IQCK: variants seen among roughly 807,000 people sequenced by gnomAD.
The protein encoded by IQCK is IQ motif containing K, also known as IQ domain-containing protein K.
IQCK carries 29 observed loss-of-function variants against 28.1 expected under a neutral mutation model. That is an observed-to-expected ratio of 1.03 (90% CI 0.77 to 1.41). IQCK has a LOEUF of 1.41. Ranked by LOEUF, IQCK falls within the 40% of genes most tolerant of loss-of-function variation. The pLI, the probability that IQCK is intolerant of heterozygous loss-of-function variation, is 0.00. For missense variants in IQCK, 359 were observed against 314.7 expected (o/e 1.14, Z -1.07); for synonymous variants, 113 against 115.1 (o/e 0.98, Z 0.12).
At chr16:19,761,297 C>T in intron 4 of IQCK, 1 of 438,686 alleles carries the variant, frequency 2.3e-6, no homozygotes, top group Non-Finnish European at 4.5e-6. Flanking sequence ...ACAATTCAAC[C>T]CCTAATGTTC....
intron 6 of IQCK, among the ~76,000 whole-genome samples, chr16:19,768,505 G>C (rs564490764): frequency 2.6e-5 from 4 of 152,168 alleles, no homozygotes; most frequent in Non-Finnish European, 5.9e-5. Context: ...TCAGCACTTT[G>C]GGAGGCTGAG....
chr16:19,735,397 C>A (rs777141980), exon 4 of IQCK: 6 of 1,614,108 alleles, frequency 3.7e-6, no homozygotes, highest in Non-Finnish European at 5.1e-6. Flanking sequence ...TCCTGTTCTG[C>A]TTCCCGGAAT....
chr16:19,755,812 G>T (rs2055044134), intron 4 of IQCK, among the ~76,000 whole-genome samples: 1 of 152,156 alleles, frequency 6.6e-6, no homozygotes, highest in African/African-American at 2.4e-5. Context: ...CCTAATGGAG[G>T]TTTGACCATG....
At chr16:19,727,142 AAG>A (rs1263206944) in intron 1 of IQCK, among the ~76,000 whole-genome samples, 4 of 147,568 alleles carry the variant, frequency 2.7e-5, no homozygotes, top group African/African-American at 1.1e-4. Flanking sequence ...AAAAAAAAAA[AAG>A]AAAGAAAGAA....
At chr16:19,755,392 T>G (rs1212041500) in intron 4 of IQCK, among the ~76,000 whole-genome samples, 1 of 152,198 alleles carries the variant, frequency 6.6e-6, no homozygotes, top group Non-Finnish European at 1.5e-5. Flanking sequence ...AGTATCCAAC[T>G]AGTCCTATCA....
At position 19,844,010 on chromosome 16, in the gene IQCK, C is replaced by T. The variant is rs117225104; in HGVS notation, c.803-12477C>T. Among the ~76,000 whole-genome samples, 1,021 of 151,964 alleles carry T rather than the reference C, an allele frequency of 6.7e-3. 2 individuals are homozygous for T. The highest frequency in any genetic ancestry group is 0.011 in the Non-Finnish European group (730 of 67,978). On this transcript the variant is annotated intron_variant, in intron 9 of 9. Coordinates refer to the IQCK transcript ENST00000320394. ...AATTGATGGGCATTTGAATTGTTTC[C>T]ACTTTTTGGCTATTATGAATAATGC...
At chr16:19,740,012 C>G (rs73541473) in intron 4 of IQCK, among the ~76,000 whole-genome samples, 2,799 of 152,310 alleles carry the variant, frequency 0.018, 67 homozygotes, top group African/African-American at 0.063. Flanking sequence ...AAGCAACAGA[C>G]AGCACACATC....
intron 7 of IQCK, among the ~76,000 whole-genome samples, chr16:19,812,599 C>T (rs1432101727): frequency 2.6e-5 from 4 of 152,104 alleles, no homozygotes; most frequent in Non-Finnish European, 4.4e-5. Context: ...AAACAGTTTA[C>T]TGACCCCTGG....
chr16:19,733,466 T>C (rs148322058), intron 2 of IQCK, among the ~76,000 whole-genome samples: 1 of 152,226 alleles, frequency 6.6e-6, no homozygotes, highest in African/African-American at 2.4e-5. Flanking sequence ...GTGTTTTGGA[T>C]ATGTTTACAA....
At chr16:19,841,874 T>C (rs957389778) in intron 9 of IQCK, among the ~76,000 whole-genome samples, 5 of 151,906 alleles carry the variant, frequency 3.3e-5, no homozygotes, top group African/African-American at 1.2e-4. Context: ...AGACGCAGTT[T>C]TGTTCTTGTC....
intron 4 of IQCK, among the ~76,000 whole-genome samples, chr16:19,749,786 AAAAG>A (rs1045392440): frequency 3.9e-5 from 6 of 152,260 alleles, no homozygotes; most frequent in African/African-American, 9.6e-5. Flanking sequence ...AAAAAAAAGA[AAAAG>A]AAAAAGTGTG....
exon 8 of IQCK, chr16:19,827,164 G>A: frequency 6.8e-7 from 1 of 1,467,006 alleles, no homozygotes; most frequent in South Asian, 1.1e-5. Context: ...ACTGTCCTTA[G>A]TTCATTCAAG....
chr16:19,744,639 T>C (rs529588513), intron 4 of IQCK, among the ~76,000 whole-genome samples: 1 of 152,338 alleles, frequency 6.6e-6, no homozygotes, highest in Non-Finnish European at 1.5e-5. Flanking sequence ...GAAATAGATT[T>C]ATTTAACCCT....
intron 1 of IQCK, among the ~76,000 whole-genome samples, chr16:19,726,116 G>A (rs557978786): frequency 7.2e-5 from 11 of 151,912 alleles, no homozygotes; most frequent in African/African-American, 2.4e-4. Flanking sequence ...GGGTTTCATC[G>A]TGTTAGCCAC....
chr16:19,790,484 A>C lies in IQCK; in HGVS notation c.690+1562A>C, dbSNP rs1597562747. On this transcript the variant is annotated intron_variant, in intron 7 of 7. Transcript: ENST00000564186. ...CAGTGGCAAACACTGCCAGAGGGAA[A>C]GGTCCCAGTGGATTTCCATAGAGGC... 1.8e-5 allele frequency among the ~76,000 whole-genome samples: 2 copies of C among 113,312 alleles called. 1 individual carries two copies. 74.3% of individuals were successfully genotyped at this position (113,312 alleles called of 152,430 possible). A position where few individuals can be genotyped will look rare whatever the true frequency, so the allele number is the denominator to read the frequency against.
chr16:19,737,110 C>T (rs1319838365), intron 4 of IQCK, among the ~76,000 whole-genome samples: 1 of 151,760 alleles, frequency 6.6e-6, no homozygotes, highest in Non-Finnish European at 1.5e-5. Context: ...TGCAGTGTGC[C>T]ATGATCATGC....
At position 19,820,818 on chromosome 16, in the gene IQCK, C is replaced by T. The variant is rs1430951076; in HGVS notation, c.691-6208C>T. ...CAAAACATATAATAAACTCTTACAA[C>T]TCAACAACAAAATGACAAGCAACCC... On this transcript the variant is annotated intron_variant, in intron 7 of 7. Coordinates refer to ENST00000564186, the Ensembl canonical transcript of IQCK. 2.0e-5 allele frequency among the ~76,000 whole-genome samples: 3 copies of T among 151,996 alleles called. No homozygotes were observed. The East Asian group carries it at 5.8e-4, about 29-fold the overall frequency.
intron 4 of IQCK, among the ~76,000 whole-genome samples, chr16:19,747,108 A>G (rs1241866313): frequency 6.6e-6 from 1 of 152,186 alleles, no homozygotes; most frequent in East Asian, 1.9e-4. Context: ...CAAGACCCCT[A>G]TCTCTGCCAG....
At chr16:19,818,169 A>G (rs566702460) in intron 7 of IQCK, among the ~76,000 whole-genome samples, 2 of 152,262 alleles carry the variant, frequency 1.3e-5, no homozygotes, top group East Asian at 3.9e-4. Flanking sequence ...AAGATATGAT[A>G]ACTCATCCTA....
Sources: gnomAD v4.1 joint callset for allele counts (sites outside exome capture counted in the v4.1 genomes callset) on GRCh38, gnomAD v4.1.1 for gene constraint, MANE v1.5 for transcripts, NCBI Gene and HGNC (gene_info 2026-07-23, HGNC 2026-07-21) for gene names.